Variants in INTS9 observed in about 807,000 individuals in gnomAD.
The protein encoded by INTS9 is integrator complex subunit 9, also known as protein related to CPSF subunits of 74 kDa.
INTS9 carries 55 observed loss-of-function variants against 79.7 expected under a neutral mutation model. The ratio of observed to expected loss-of-function variants is 0.69; its 90% CI spans 0.56 to 0.86. The LOEUF (loss-of-function observed/expected upper bound fraction) is 0.86, where lower values mean the gene tolerates loss of function less well. Ranked by LOEUF, INTS9 falls within the 40% of genes least tolerant of loss-of-function variation. The pLI, the probability that INTS9 is intolerant of heterozygous loss-of-function variation, is 0.00. For missense variants in INTS9, 721 were observed against 831.5 expected, an observed-to-expected ratio of 0.87 and a Z score of 1.64; for synonymous variants, 319 against 325.2, an observed-to-expected ratio of 0.98 and a Z score of 0.20.
chr8:28,771,768 C>T (rs1165241509), intron 14 of INTS9, among the ~76,000 whole-genome samples: 3 of 152,254 alleles, frequency 2.0e-5, no homozygotes, highest in Non-Finnish European at 2.9e-5. Flanking sequence ...CACACAGGCC[C>T]CTCCTCCCTG....
intron 9 of INTS9, 103 bp from the exon 10 acceptor site, chr8:28,794,090 T>C: frequency 1.1e-6 from 1 of 936,048 alleles, no homozygotes; most frequent in Non-Finnish European, 1.5e-6. Context: ...CCTACTTCTG[T>C]TTTTATGATT....
chr8:28,836,257 C>T (rs934245044), intron 5 of INTS9, among the ~76,000 whole-genome samples: 3 of 152,166 alleles, frequency 2.0e-5, no homozygotes, highest in African/African-American at 7.2e-5. Flanking sequence ...AGACGGAGTA[C>T]CACAGAACCA....
chr8:28,796,759 C>T, intron 8 of INTS9, 104 bp from the exon 9 acceptor site: 8 of 765,578 alleles, frequency 1.0e-5, no homozygotes, highest in Non-Finnish European at 1.8e-5. Flanking sequence ...TACGTTTAAC[C>T]CATCATCGAG....
chr8:28,824,470 T>C (rs547933109), intron 6 of INTS9, among the ~76,000 whole-genome samples: 8 of 152,330 alleles, frequency 5.3e-5, no homozygotes, highest in African/African-American at 1.9e-4. Context: ...CCCTCTGTCT[T>C]CTACATTTTG....
chr8:28,844,190 T>A (rs755977379), intron 4 of INTS9, among the ~76,000 whole-genome samples: 1 of 142,862 alleles, frequency 7.0e-6, no homozygotes, highest in Non-Finnish European at 1.5e-5. Flanking sequence ...TACGTTTCTT[T>A]TGAGTGCAAA....
At chr8:28,806,469 C>T (rs979019634) in intron 8 of INTS9, among the ~76,000 whole-genome samples, 7 of 152,236 alleles carry the variant, frequency 4.6e-5, no homozygotes, top group African/African-American at 1.7e-4. Flanking sequence ...CAACAACTAA[C>T]ACACCCTTTT....
chr8:28,871,357 A>G (rs1809084000), intron 1 of INTS9, among the ~76,000 whole-genome samples: 1 of 152,212 alleles, frequency 6.6e-6, no homozygotes, highest in Non-Finnish European at 1.5e-5. Context: ...GAATCTGAGC[A>G]AGGAATTTCT....
At chr8:28,849,574 C>T (rs1232061533) in intron 3 of INTS9, among the ~76,000 whole-genome samples, 3 of 151,718 alleles carry the variant, frequency 2.0e-5, no homozygotes, top group Non-Finnish European at 4.4e-5. Flanking sequence ...ATCATAGTGT[C>T]GGAGACCCAC....
chr8:28,841,116 C>T (rs922658161), intron 4 of INTS9, among the ~76,000 whole-genome samples: 9 of 152,222 alleles, frequency 5.9e-5, no homozygotes, highest in African/African-American at 1.9e-4. Context: ...GACAGGATGC[C>T]AGCAGAGGTC....
At chr8:28,884,972 G>A (rs1264110348) in intron 1 of INTS9, among the ~76,000 whole-genome samples, 2 of 152,154 alleles carry the variant, frequency 1.3e-5, no homozygotes, top group Non-Finnish European at 2.9e-5. Context: ...GATTAACCAC[G>A]CCCCTTTCTA....
chr8:28,833,678 G>GA (rs546860163), intron 6 of INTS9, among the ~76,000 whole-genome samples: 4,258 of 140,676 alleles, frequency 0.03, 215 homozygotes, highest in African/African-American at 0.1. Context: ...AAAAGAAAAA[G>GA]AAAAAAAAAA....
chr8:28,864,929 T>C (rs1808653744), intron 1 of INTS9, among the ~76,000 whole-genome samples: 1 of 146,956 alleles, frequency 6.8e-6, no homozygotes, highest in Non-Finnish European at 1.5e-5. Flanking sequence ...GAGGTTGCAG[T>C]GAGCTGAGAT....
chr8:28,840,954 T>C (rs964602075), intron 4 of INTS9, among the ~76,000 whole-genome samples: 3 of 118,702 alleles, frequency 2.5e-5, no homozygotes, highest in African/African-American at 9.6e-5. Flanking sequence ...AAAAAATAAA[T>C]AAAGTAAAAA....
intron 2 of INTS9, among the ~76,000 whole-genome samples, chr8:28,857,056 C>A (rs1343887272): frequency 1.3e-5 from 2 of 152,124 alleles, no homozygotes; most frequent in Non-Finnish European, 2.9e-5. Flanking sequence ...TGATTTCATT[C>A]TTTTTTTATG....
At chr8:28,862,009 C>T in intron 1 of INTS9, 1 of 889,770 alleles carries the variant, frequency 1.1e-6, no homozygotes, top group Non-Finnish European at 1.3e-6. Context: ...TCCAAAGATC[C>T]CACTCATGCT....
At chr8:28,796,799 T>C (rs1804243909) in intron 8 of INTS9, 144 bp from the exon 9 acceptor site, 1 of 613,630 alleles carries the variant, frequency 1.6e-6, no homozygotes, top group East Asian at 2.8e-5. Flanking sequence ...GAATAGTCTG[T>C]CCTTAACCAC....
At chr8:28,787,214 AAAACACCC>A (rs1803656746) in intron 11 of INTS9, among the ~76,000 whole-genome samples, 1 of 152,246 alleles carries the variant, frequency 6.6e-6, no homozygotes, top group South Asian at 2.1e-4. Flanking sequence ...AGCTATATAG[AAAACACCC>A]ATTTGTTCTG....
chr8:28,830,868 G>A (rs77768987), intron 6 of INTS9, among the ~76,000 whole-genome samples: 8 of 152,004 alleles, frequency 5.3e-5, no homozygotes, highest in South Asian at 4.1e-4. Context: ...CTCCAATAGC[G>A]CAAGTTACTA....
chr8:28,818,429 G>T (rs1007820245), intron 6 of INTS9, among the ~76,000 whole-genome samples: 10 of 151,364 alleles, frequency 6.6e-5, no homozygotes, highest in African/African-American at 2.4e-4. Context: ...TTTGTCTTTG[G>T]TTCTGTTTAT....
Sources: gnomAD v4.1 joint callset for allele counts (sites outside exome capture counted in the v4.1 genomes callset) on GRCh38, gnomAD v4.1.1 for gene constraint, MANE v1.5 for transcripts, NCBI Gene and HGNC (gene_info 2026-07-23, HGNC 2026-07-21) for gene names.